CLN8: variants seen among roughly 807,000 people sequenced by gnomAD.
CLN8 encodes protein CLN8.
CLN8 carries 14 observed loss-of-function variants against 15.7 expected under a neutral mutation model. The observed-to-expected ratio is 0.89, with a 90% CI of 0.59 to 1.39. The LOEUF (loss-of-function observed/expected upper bound fraction) is 1.39. Ranked by LOEUF, CLN8 falls within the 40% of genes most tolerant of loss-of-function variation. The pLI is 0.00. For missense variants in CLN8, 415 were observed against 364.0 expected, an observed-to-expected ratio of 1.14 and a Z score of -1.14; for synonymous variants, 188 against 151.0, an observed-to-expected ratio of 1.25 and a Z score of -1.80.
intron 2 of CLN8, among the ~76,000 whole-genome samples, chr8:1,776,450 ACAC>A (rs1442094578): frequency 5.4e-5 from 8 of 148,916 alleles, no homozygotes; most frequent in African/African-American, 2.0e-4. Flanking sequence ...TCCAATATAC[ACAC>A]ATGATGATAG....
chr8:1,780,423 T>C lies in CLN8; in HGVS notation c.717T>C (p.Ala239=). 1 of 1,614,222 alleles carries C rather than the reference T, an allele frequency of 6.2e-7. No individual in the cohort carries two copies. ...PHLTLFLVGL[A]LLTLIINPYW... ...TGACACTGTTCCTTGTCGGACTGGC[T>C]CTGCTTACGCTAATCATTAATCCAT... The change falls in exon 3 of 3, where the codon GCT becomes GCC. Residue 239 remains alanine, a synonymous_variant. Transcript: ENST00000331222.
upstream of CLN8, chr8:1,763,211 G>C (rs748020218): frequency 3.9e-5 from 6 of 151,960 alleles, no homozygotes; most frequent in South Asian, 2.1e-4. Flanking sequence ...TCTGGAGAAC[G>C]GCGCGGTCAG....
At chr8:1,761,743 C>T (rs796600435), upstream of CLN8, among the ~76,000 whole-genome samples, 4 of 152,300 alleles carry the variant, frequency 2.6e-5, no homozygotes, top group African/African-American at 9.6e-5. Context: ...TGGCCTGAGC[C>T]GGTTGCTGAG....
At chr8:1,760,028 G>A (rs4370560), upstream of CLN8, 106,932 of 152,000 alleles carry the variant, frequency 0.7, 37,760 homozygotes, top group South Asian at 0.78. Context: ...TATATTGCTT[G>A]TGTGACCAGA....
At position 1,783,719 on chromosome 8, in the gene CLN8, A is replaced by C. The variant is rs1174206452; in HGVS notation, c.*3152A>C. The stretch of plus-strand genomic sequence containing the variant: ...TTCAGTGTGAGATTTTTTACCAGGT[A>C]TTGCGCTTAAGGGACATGATTTTCC... On this transcript the variant is annotated 3_prime_UTR_variant, in exon 3 of 3. Transcript: ENST00000331222. 1 of 151,790 alleles carries C rather than the reference A, an allele frequency of 6.6e-6. No individual in the cohort carries two copies. Among genetic ancestry groups the C allele is most frequent in the South Asian group, 2.1e-4 (1 of 4,812 alleles). The allele number at this position is 151,790 out of a possible 1,614,324, so 9.4% of individuals were successfully genotyped here.
In CLN8 at chr8:1,757,819, G is replaced by A. The variant is rs527591683; in HGVS notation, c.-124+1737G>A. On this transcript the variant is annotated intron_variant, in intron 1 of 1. Transcript: ENST00000524258. ...TCCAATGGGGATTTAAGGCTTCTTT[G>A]GGTACTGATAATTACGGCTATTATC... 1.3e-3 allele frequency among the ~76,000 whole-genome samples: 199 copies of A among 152,186 alleles called. 3 individuals are homozygous for A. Among genetic ancestry groups the A allele is most frequent in the Non-Finnish European group, 6.3e-4 (43 of 68,004 alleles).
chr8:1,758,449 T>A (rs1800721547), intron 1 of CLN8: 1 of 152,220 alleles, frequency 6.6e-6, no homozygotes, highest in Non-Finnish European at 1.5e-5. Flanking sequence ...GGGTTCTAGC[T>A]GGATTTTATG....
chr8:1,763,397 GCGCC>G, upstream of CLN8: 4 of 32,830 alleles, frequency 1.2e-4, no homozygotes, highest in Admixed American at 1.1e-3. Flanking sequence ...CCGCCGCGCC[GCGCC>G]CCGCCCCCCG....
At chr8:1,762,773 C>G (rs963491153), upstream of CLN8, 7 of 152,248 alleles carry the variant, frequency 4.6e-5, no homozygotes, top group Non-Finnish European at 1.0e-4. Flanking sequence ...CCAAGGCCGA[C>G]TATACCCTCA....
intron 2 of CLN8, among the ~76,000 whole-genome samples, chr8:1,778,330 A>G (rs1453534382): frequency 6.6e-6 from 1 of 152,266 alleles, no homozygotes; most frequent in African/African-American, 2.4e-5. Context: ...ACAAGTAAGA[A>G]ATAAGTTATA....
At chr8:1,779,450 G>A (rs989291125) in intron 2 of CLN8, among the ~76,000 whole-genome samples, 33 of 152,292 alleles carry the variant, frequency 2.2e-4, no homozygotes, top group African/African-American at 7.9e-4. Flanking sequence ...TCGCCATGTT[G>A]GCCAGGCTGG....
intron 1 of CLN8, among the ~76,000 whole-genome samples, chr8:1,769,602 C>T (rs936652177): frequency 3.3e-5 from 5 of 152,276 alleles, no homozygotes; most frequent in Admixed American, 6.5e-5. Context: ...GAGTCTTTGT[C>T]GGTAGCCGTT....
At chr8:1,778,729 A>G (rs147773255) in intron 2 of CLN8, among the ~76,000 whole-genome samples, 79 of 152,366 alleles carry the variant, frequency 5.2e-4, no homozygotes, top group African/African-American at 1.7e-3. Flanking sequence ...AGACCTGGGA[A>G]GGACTCCCGT....
intron 2 of CLN8, 199 bp from the exon 3 acceptor site, chr8:1,780,051 C>G (rs1801660354): frequency 4.1e-6 from 4 of 985,452 alleles, no homozygotes; most frequent in Non-Finnish European, 4.8e-6. Context: ...GCCCTGCTGG[C>G]CCAGGTGCGC....
At chr8:1,757,260 C>T (rs917832048) in intron 1 of CLN8, among the ~76,000 whole-genome samples, 1 of 152,218 alleles carries the variant, frequency 6.6e-6, no homozygotes. Context: ...AGCTTCTCCC[C>T]TCTGAAGGTC....
At chr8:1,766,683 G>T (rs989797443) in intron 1 of CLN8, among the ~76,000 whole-genome samples, 1 of 152,116 alleles carries the variant, frequency 6.6e-6, no homozygotes, top group East Asian at 1.9e-4. Context: ...GAGCCACCCT[G>T]CCCGGCCGAT....
rs767218890 is a variant in CLN8, at chr8:1,771,061, C to T, written c.7C>T (p.Pro3Ser). The change falls in exon 2 of 3, where the codon CCT becomes TCT. Residue 3 changes from proline (P) to serine (S), a missense_variant. Coordinates refer to ENST00000331222, the MANE Select transcript of CLN8 (RefSeq NM_018941.4). MN[P>S]ASDGGTSESI... is the part of the protein sequence containing the mutation. ...TGGAATATAGCTGTGGACAATGAAT[C>T]CTGCGAGCGATGGGGGCACATCAGA... The T allele has an allele frequency of 1.9e-6, 3 of 1,614,038 alleles. No individual in the cohort carries two copies. The highest frequency in any genetic ancestry group is 2.5e-6 in the Non-Finnish European group (3 of 1,180,024).
At chr8:1,777,773 A>C (rs1360600385) in intron 2 of CLN8, among the ~76,000 whole-genome samples, 1 of 152,180 alleles carries the variant, frequency 6.6e-6, no homozygotes, top group Non-Finnish European at 1.5e-5. Flanking sequence ...GCTACCTCCT[A>C]TGGTGACAGT....
At chr8:1,760,829 CGGAAAGCAG>C (rs1452130842), upstream of CLN8, among the ~76,000 whole-genome samples, 1 of 152,012 alleles carries the variant, frequency 6.6e-6, no homozygotes, top group Non-Finnish European at 1.5e-5. Context: ...GGGGAGCCCG[CGGAAAGCAG>C]GAAGAAGAAT....
Sources: allele counts gnomAD v4.1 joint callset (sites outside exome capture counted in the v4.1 genomes callset), GRCh38; gene constraint gnomAD v4.1.1; transcripts MANE v1.5; gene names NCBI Gene and HGNC (gene_info 2026-07-23, HGNC 2026-07-21).